Variants in TPO observed in about 807,000 individuals in gnomAD.
The protein encoded by TPO is thyroid peroxidase.
TPO carries 78 observed loss-of-function variants against 96.9 expected under a neutral mutation model. The ratio of observed to expected loss-of-function variants is 0.81; its 90% confidence interval spans 0.67 to 0.97. TPO has a LOEUF of 0.97. Ranked by LOEUF, TPO falls within the 50% of genes least tolerant of loss-of-function variation. The pLI is 0.00. For missense variants in TPO, 1,252 were observed against 1,274.8 expected (o/e 0.98, Z 0.27); for synonymous variants, 547 against 538.0 (o/e 1.02, Z -0.23).
At chr2:1,523,204 C>G (rs1382071660) in intron 15 of TPO, among the ~76,000 whole-genome samples, 1 of 93,802 alleles carries the variant, frequency 1.1e-5, no homozygotes. Flanking sequence ...CTGTTTGCAA[C>G]CTCCCAAATC....
rs899126801 is a variant in TPO at position 1,541,842 on chromosome 2, T to C, written c.2749-579T>C. ...CTTACTTGCATACAGGAGGGGGGCA[T>C]TGCCAACATGATCGGTCTCCCTTCT... On this transcript the variant is annotated intron_variant, in intron 16 of 16. Coordinates refer to ENST00000329066, the MANE Select transcript of TPO (RefSeq NM_001206744.2). The C allele has an allele frequency of 1.9e-5, 3 of 154,622 alleles. No homozygotes were observed. In the East Asian group the frequency reaches 5.7e-4, roughly 30 times the overall value. 9.6% of individuals were successfully genotyped at this position (154,622 alleles called of 1,614,324 possible).
At chr2:1,540,864 G>C (rs1238767925) in intron 16 of TPO, 141 bp downstream of exon 16, 2 of 1,555,054 alleles carry the variant, frequency 1.3e-6, no homozygotes, top group Non-Finnish European at 1.7e-6. Flanking sequence ...CTTCCTCCGG[G>C]AGGTTTTATT....
At chr2:1,530,502 A>C (rs1460289369) in intron 15 of TPO, among the ~76,000 whole-genome samples, 1 of 105,294 alleles carries the variant, frequency 9.5e-6, no homozygotes, top group Non-Finnish European at 1.9e-5. Context: ...ACTCTGTGCA[A>C]CCTCCCCAAA....
At chr2:1,419,185 G>A (rs1440951473) in intron 2 of TPO, among the ~76,000 whole-genome samples, 14 of 152,296 alleles carry the variant, frequency 9.2e-5, no homozygotes, top group African/African-American at 3.1e-4. Context: ...TTGAGAAGGC[G>A]CAGGCAGAGA....
At chr2:1,427,299 G>A (rs928858473) in intron 3 of TPO, among the ~76,000 whole-genome samples, 3 of 152,234 alleles carry the variant, frequency 2.0e-5, no homozygotes, top group Non-Finnish European at 2.9e-5. Flanking sequence ...GGAGAGTGCA[G>A]TGTGTTCTGA....
chr2:1,477,025 C>A, intron 7 of TPO, 61 bp from the exon 8 acceptor site: 1 of 1,554,904 alleles, frequency 6.4e-7, no homozygotes, highest in Non-Finnish European at 8.7e-7. Flanking sequence ...CTCGAACTTC[C>A]AGAGTCTTAC....
At chr2:1,467,496 T>C (rs1669012858) in intron 7 of TPO, among the ~76,000 whole-genome samples, 1 of 152,228 alleles carries the variant, frequency 6.6e-6, no homozygotes, top group South Asian at 2.1e-4. Context: ...TGCATGATTT[T>C]GAAGGTTCCT....
At chr2:1,524,946 A>G (rs1181309262) in intron 15 of TPO, among the ~76,000 whole-genome samples, 1 of 77,482 alleles carries the variant, frequency 1.3e-5, no homozygotes, top group African/African-American at 5.7e-5. Context: ...TCAAATCCCG[A>G]CTCTGTGCAA....
intron 15 of TPO, among the ~76,000 whole-genome samples, chr2:1,529,722 C>G: frequency 1.6e-5 from 1 of 62,912 alleles, no homozygotes; most frequent in Non-Finnish European, 3.6e-5. Flanking sequence ...CCTCAAATCC[C>G]CCCACTGTGA....
At position 1,398,698 on chromosome 2, in the gene TPO, G is replaced by A. The variant is rs181188556; in HGVS notation, n.180+24296G>A. Among the ~76,000 whole-genome samples the A allele has an allele frequency of 1.2e-3, 179 of 152,336 alleles. 1 individual carries two copies. Among genetic ancestry groups the A allele is most frequent in the Middle Eastern group, 3.4e-3 (1 of 294 alleles). ...GCAAGCCCTGGTTTCCTCCTGCACC[G>A]CTTGCGTGGGGGTCTCTATCTCTGG... On this transcript the variant is annotated intron_variant and non_coding_transcript_variant, in intron 1 of 5. Coordinates refer to the TPO transcript ENST00000497517.
chr2:1,414,602 G>A, intron 2 of TPO, 100 bp downstream of exon 2: 2 of 1,098,004 alleles, frequency 1.8e-6, no homozygotes, highest in South Asian at 2.7e-5. Context: ...GTCACTTTAG[G>A]CCCCTGTAGT....
At chr2:1,521,947 C>T (rs1438207082) in intron 15 of TPO, among the ~76,000 whole-genome samples, 1 of 152,052 alleles carries the variant, frequency 6.6e-6, no homozygotes, top group African/African-American at 2.4e-5. Flanking sequence ...AGCCTGGCTG[C>T]CAGGCTCATC....
chr2:1,517,051 A>G (rs1674791547), intron 15 of TPO, 69 bp downstream of exon 15: 2 of 1,514,054 alleles, frequency 1.3e-6, no homozygotes, highest in African/African-American at 1.4e-5. Context: ...CATGGCTGCA[A>G]TGAAGCTGCT....
At chr2:1,512,004 A>G (rs972445719) in intron 14 of TPO, among the ~76,000 whole-genome samples, 1 of 152,200 alleles carries the variant, frequency 6.6e-6, no homozygotes, top group East Asian at 1.9e-4. Flanking sequence ...TTGTCCTGAG[A>G]ACAATTACAA....
intron 1 of TPO, among the ~76,000 whole-genome samples, chr2:1,390,288 A>C (rs558292378): frequency 7.3e-5 from 11 of 151,724 alleles, no homozygotes; most frequent in Non-Finnish European, 1.5e-4. Context: ...CTGTCCTTGT[A>C]TAGTTTGCTG....
At position 1,542,464 on chromosome 2, in the gene TPO, G is replaced by C; in HGVS notation, c.2792G>C (p.Arg931Thr). 6.2e-7 allele frequency: 1 copy of C among 1,614,196 alleles called. No homozygotes were observed. The highest frequency in any genetic ancestry group is 8.5e-7 in the Non-Finnish European group (1 of 1,180,034). The change falls in exon 17 of 17, where the codon AGA becomes ACA. Residue 931 changes from arginine (R) to threonine (T), a missense_variant. Physicochemically the swap from Arg to Thr is moderately conservative, Grantham distance 71. Coordinates refer to ENST00000329066, the MANE Select transcript of TPO (RefSeq NM_001206744.2). Reference sequence around the variant, plus strand: ...GGCCGGGATACTCACAGGCTGCCGAGAGCCCTCTGAGGGCAAAGTGGCAGG... The same window carrying C: ...GGCCGGGATACTCACAGGCTGCCGACAGCCCTCTGAGGGCAAAGTGGCAGG... The part of the protein sequence containing the change: ...MEGRDTHRLP[R>T]AL
At chr2:1,394,903 C>T (rs138276107) in intron 1 of TPO, among the ~76,000 whole-genome samples, 21 of 152,276 alleles carry the variant, frequency 1.4e-4, no homozygotes, top group East Asian at 9.7e-4. Context: ...TGTGCCCCCA[C>T]GTGATTCCAG....
intron 1 of TPO, among the ~76,000 whole-genome samples, chr2:1,385,296 C>T (rs567480630): frequency 3.9e-5 from 6 of 152,262 alleles, no homozygotes; most frequent in Non-Finnish European, 2.9e-5. Flanking sequence ...ACCAGCTCCT[C>T]CTTGTACCTC....
chr2:1,388,163 C>T (rs189591322), intron 1 of TPO, among the ~76,000 whole-genome samples: 248 of 152,306 alleles, frequency 1.6e-3, no homozygotes, highest in African/African-American at 5.7e-3. Flanking sequence ...GGTTAGGGAC[C>T]CTCTTGAGGA....
Sources: gnomAD v4.1 joint callset for allele counts (sites outside exome capture counted in the v4.1 genomes callset) on GRCh38, gnomAD v4.1.1 for gene constraint, MANE v1.5 for transcripts, NCBI Gene and HGNC (gene_info 2026-07-23, HGNC 2026-07-21) for gene names.